Variants in ATAD5 observed in about 807,000 individuals in gnomAD.
The protein encoded by ATAD5 is ATPase family AAA domain-containing protein 5.
ATAD5 carries 58 observed loss-of-function variants against 176.9 expected under a neutral mutation model. The ratio of observed to expected loss-of-function variants is 0.33; its 90% CI spans 0.27 to 0.41. ATAD5 has a LOEUF of 0.41. Ranked by LOEUF, ATAD5 falls within the 10% of genes least tolerant of loss-of-function variation. The probability of loss-of-function intolerance (pLI) is 1.00; values close to 1 mark genes in which losing one functional copy is unlikely to be tolerated. For synonymous variants in ATAD5, 640 were observed against 712.6 expected (o/e 0.90, Z 1.62); for missense variants, 1,789 against 2,094.1 (o/e 0.85, Z 2.84).
intron 9 of ATAD5, among the ~76,000 whole-genome samples, chr17:30,858,699 T>C (rs1721254767): frequency 1.3e-5 from 2 of 151,684 alleles, no homozygotes; most frequent in Admixed American, 6.6e-5. Flanking sequence ...TTTTTCTTTT[T>C]TTTTAGAGTG....
chr17:30,869,835 A>G (rs1054891215), intron 14 of ATAD5, 189 bp downstream of exon 14: 3 of 597,964 alleles, frequency 5.0e-6, no homozygotes, highest in Non-Finnish European at 8.4e-6. Flanking sequence ...ACCTTCTTCA[A>G]TATTTATCTC....
chr17:30,886,887 C>A (rs943920816), intron 18 of ATAD5, among the ~76,000 whole-genome samples: 29 of 152,114 alleles, frequency 1.9e-4, no homozygotes, highest in African/African-American at 6.5e-4. Flanking sequence ...TATACTGTTA[C>A]TTAATCCTAA....
chr17:30,883,310 AGAGAT>A (rs1464958852), intron 18 of ATAD5, among the ~76,000 whole-genome samples: 2 of 151,734 alleles, frequency 1.3e-5, no homozygotes, highest in African/African-American at 4.8e-5. Flanking sequence ...ATTTTTTTGT[AGAGAT>A]GAGGTCTCAC....
chr17:30,883,809 A>T (rs1161474018), intron 18 of ATAD5, among the ~76,000 whole-genome samples: 4 of 152,150 alleles, frequency 2.6e-5, no homozygotes, highest in African/African-American at 9.7e-5. Flanking sequence ...TCGGCCTCCC[A>T]AAGTGCTGGG....
intron 2 of ATAD5, among the ~76,000 whole-genome samples, chr17:30,836,863 C>T (rs891092348): frequency 5.3e-5 from 8 of 152,170 alleles, no homozygotes; most frequent in East Asian, 1.9e-4. Flanking sequence ...CCACCACACC[C>T]GGCAAGTTTG....
chr17:30,832,275 C>T lies in ATAD5; in HGVS notation c.-73C>T. On this transcript the variant is annotated 5_prime_UTR_variant, in exon 1 of 23. Transcript: ENST00000321990. ...GCTTGCTGCTACTGGAGCGGGCCGC[C>T]TCCATGGCCTCCAGGCAGGCCGGGC... 2 of 1,350,818 alleles carry T rather than the reference C, an allele frequency of 1.5e-6. No individual in the cohort carries two copies. The highest frequency in any genetic ancestry group is 9.7e-7 in the Non-Finnish European group (1 of 1,034,500). 83.7% of individuals were successfully genotyped at this position (1,350,818 alleles called of 1,614,324 possible).
At chr17:30,849,425 G>T (rs1906734529) in intron 6 of ATAD5, among the ~76,000 whole-genome samples, 1 of 152,194 alleles carries the variant, frequency 6.6e-6, no homozygotes, top group African/African-American at 2.4e-5. Flanking sequence ...TGGGAATAAA[G>T]CTGCTATGAA....
chr17:30,888,551 A>AT (rs948817752), intron 19 of ATAD5, among the ~76,000 whole-genome samples: 1 of 151,952 alleles, frequency 6.6e-6, no homozygotes, highest in African/African-American at 2.4e-5. Flanking sequence ...CTAAAAAAAA[A>AT]TTTTTGCAGT....
At chr17:30,843,656 A>G (rs1436784302) in intron 4 of ATAD5, among the ~76,000 whole-genome samples, 1 of 151,810 alleles carries the variant, frequency 6.6e-6, no homozygotes, top group African/African-American at 2.4e-5. Flanking sequence ...TTTCAAAAAA[A>G]AAAAAAGAAT....
At position 30,856,947 on chromosome 17, in the gene ATAD5, T is replaced by C. The variant is rs1219573532; in HGVS notation, c.2636-8T>C. 3.8e-6 allele frequency: 6 copies of C among 1,563,620 alleles called. No individual in the cohort carries two copies. In the East Asian group the frequency reaches 1.1e-4, roughly 30 times the overall value. ...GGTTTATTAAGATATTTGTCTATTT[T>C]TCTTTAGGGTGTTGTTTGTGGCATT... On this transcript the variant is annotated splice_region_variant and splice_polypyrimidine_tract_variant and intron_variant, in intron 7 of 22. Transcript: ENST00000321990.
In ATAD5 at chr17:30,895,427, C is replaced by G. The variant is rs1205944753; in HGVS notation, c.*514C>G. 1 of 133,784 alleles carries G rather than the reference C, an allele frequency of 7.5e-6. No homozygotes were observed. The highest frequency in any genetic ancestry group is 1.6e-5 in the Non-Finnish European group (1 of 64,062). The allele number at this position is 133,784 out of a possible 1,614,324, so 8.3% of individuals were successfully genotyped here. On this transcript the variant is annotated 3_prime_UTR_variant, in exon 23 of 23. Coordinates refer to ENST00000321990, the MANE Select transcript of ATAD5 (RefSeq NM_024857.5). Reference sequence around the variant, plus strand: ...GTGCTTTTTTTTTTTTTTTTTGAGACGGAATCTTGCTCTGTCACCCAGGCT... The same window carrying G: ...GTGCTTTTTTTTTTTTTTTTTGAGAGGGAATCTTGCTCTGTCACCCAGGCT...
intron 6 of ATAD5, among the ~76,000 whole-genome samples, chr17:30,851,598 G>A (rs1906974888): frequency 6.6e-6 from 1 of 152,084 alleles, no homozygotes; most frequent in Non-Finnish European, 1.5e-5. Flanking sequence ...CTTGAGAGCA[G>A]GAGGTCAAGG....
chr17:30,845,560 C>T (rs1906446316), intron 6 of ATAD5, among the ~76,000 whole-genome samples: 1 of 152,112 alleles, frequency 6.6e-6, no homozygotes. Context: ...GACTAGAGCA[C>T]AGAGAACAAG....
intron 10 of ATAD5, among the ~76,000 whole-genome samples, chr17:30,862,361 GA>G (rs963993301): frequency 1.3e-5 from 2 of 150,284 alleles, no homozygotes; most frequent in East Asian, 2.0e-4. Flanking sequence ...TAACAAAGTT[GA>G]AAAAAAAATA....
Position 30,876,568 on chromosome 17 carries a change from CAA to C in ATAD5, c.3784+20_3784+21del, listed in dbSNP as rs1479457881. 6 of 1,468,636 alleles carry C rather than the reference CAA, an allele frequency of 4.1e-6. No homozygotes were observed. The highest frequency in any genetic ancestry group is 5.6e-6 in the Non-Finnish European group (6 of 1,076,208). 91.0% of individuals were successfully genotyped at this position (1,468,636 alleles called of 1,614,324 possible). On this transcript the variant is annotated intron_variant, in intron 15 of 22. Transcript: ENST00000321990. ...TAATAAAGGTAAGACATTAAATTGA[CAA>C]ATTTTATATTTTTTAATAATAATGA...
At chr17:30,875,181 C>T (rs932999302) in intron 14 of ATAD5, among the ~76,000 whole-genome samples, 5 of 151,976 alleles carry the variant, frequency 3.3e-5, no homozygotes, top group Non-Finnish European at 5.9e-5. Context: ...TGAGGCCATA[C>T]AGTAATTAGG....
chr17:30,881,422 C>A (rs1051595628), intron 18 of ATAD5, among the ~76,000 whole-genome samples: 8 of 152,258 alleles, frequency 5.3e-5, no homozygotes, highest in African/African-American at 1.9e-4. Context: ...ACCTCAGCCT[C>A]CCTAGTAATT....
chr17:30,835,397 G>A lies in ATAD5; in HGVS notation c.1316G>A (p.Arg439Lys). 1 of 1,610,088 alleles carries A rather than the reference G, an allele frequency of 6.2e-7. No homozygotes were observed. The highest frequency in any genetic ancestry group is 2.2e-5 in the East Asian group (1 of 44,848). The change falls in exon 2 of 23, where the codon AGA becomes AAA. Residue 439 changes from arginine (R) to lysine (K), a missense_variant. This residue lies in a region of ATAD5 where 696 missense variants were observed against 712.5 expected (regional missense o/e 0.98). Coordinates refer to ENST00000321990, the MANE Select transcript of ATAD5 (RefSeq NM_024857.5). ...GAAAAATGTCTATATGAAGTAGGAA[G>A]AGATGATAATTCTAAAAAAATCATG... ...LNEKCLYEVGRDDNSKKIMEN... is the reference protein window; with the variant it reads ...LNEKCLYEVGKDDNSKKIMEN...
At position 30,839,286 on chromosome 17, in the gene ATAD5, C is replaced by CT. The variant is rs1203913975; in HGVS notation, c.2077-1319dup. 3.4e-3 allele frequency among the ~76,000 whole-genome samples: 496 copies of CT among 146,110 alleles called. 2 individuals are homozygous for CT. Among genetic ancestry groups the CT allele is most frequent in the African/African-American group, 9.9e-3 (395 of 39,992 alleles). On this transcript the variant is annotated intron_variant, in intron 3 of 22. Coordinates refer to ENST00000321990, the MANE Select transcript of ATAD5 (RefSeq NM_024857.5). ...TTTTTCTCTGCTTAAATAGATATAT[C>CT]TTTTTTTTTTTTCTTTTTGAGACGG...
Sources: gnomAD v4.1 joint callset for allele counts (sites outside exome capture counted in the v4.1 genomes callset) on GRCh38, gnomAD v4.1.1 for gene constraint, gnomAD v4.1.1 regional missense constraint, MANE v1.5 for transcripts, NCBI Gene and HGNC (gene_info 2026-07-23, HGNC 2026-07-21) for gene names.